The following SLC25A26 variants were observed in gnomAD, a reference collection of about 807,000 sequenced individuals.
SLC25A26 encodes mitochondrial S-adenosylmethionine carrier protein.
A neutral mutation model predicts 37.8 loss-of-function variants in SLC25A26; 36 were observed. The observed-to-expected ratio is 0.95, with a 90% CI of 0.73 to 1.26. The LOEUF (loss-of-function observed/expected upper bound fraction) is 1.26. Ranked by LOEUF, SLC25A26 falls within the 50% of genes most tolerant of loss-of-function variation. The pLI is 0.00. For synonymous variants in SLC25A26, 129 were observed against 122.5 expected (o/e 1.05, Z -0.35); for missense variants, 390 against 331.1 (o/e 1.18, Z -1.38).
intron 1 of SLC25A26, among the ~76,000 whole-genome samples, chr3:66,186,303 C>A (rs1208023377): frequency 3.9e-5 from 6 of 152,164 alleles, no homozygotes; most frequent in African/African-American, 1.4e-4. Context: ...CTCACTCTGA[C>A]CCTGACCCTA....
intron 1 of SLC25A26, among the ~76,000 whole-genome samples, chr3:66,229,194 A>G (rs2071894654): frequency 6.6e-6 from 1 of 152,204 alleles, no homozygotes; most frequent in Admixed American, 6.5e-5. Flanking sequence ...CATTTTGCTA[A>G]CCATATAACA....
At chr3:66,351,294 A>T (rs1008202865) in intron 6 of SLC25A26, among the ~76,000 whole-genome samples, 101 of 152,324 alleles carry the variant, frequency 6.6e-4, no homozygotes, top group African/African-American at 2.3e-3. Flanking sequence ...TATTATACAT[A>T]TGCTTACAAA....
In SLC25A26 at chr3:66,183,322, C is replaced by G. The variant is rs138441009; in HGVS notation, c.-353-37420C>G. Among the ~76,000 whole-genome samples the G allele has an allele frequency of 7.0e-3, 1,070 of 152,188 alleles. 21 individuals are homozygous for G. Among genetic ancestry groups the G allele is most frequent in the African/African-American group, 0.025 (1,025 of 41,504 alleles). On this transcript the variant is annotated intron_variant, in intron 1 of 10. Coordinates refer to the SLC25A26 transcript ENST00000676754. The stretch of plus-strand genomic sequence containing the variant: ...CTACCATGACTCTCAGCTATGCTCA[C>G]CCAGACTCTGACCCTGACATGGACT...
intron 5 of SLC25A26, among the ~76,000 whole-genome samples, chr3:66,301,359 A>G (rs2075070696): frequency 6.6e-6 from 1 of 152,240 alleles, no homozygotes; most frequent in African/African-American, 2.4e-5. Flanking sequence ...CACAGTGTGT[A>G]GGACAAGTTC....
chr3:66,298,102 A>C (rs2074963760), intron 5 of SLC25A26, among the ~76,000 whole-genome samples: 1 of 152,192 alleles, frequency 6.6e-6, no homozygotes, highest in Admixed American at 6.5e-5. Flanking sequence ...CTGAATCAGA[A>C]ACTTGGGGTG....
At chr3:66,310,200 A>G (rs1016184745) in intron 5 of SLC25A26, among the ~76,000 whole-genome samples, 17 of 152,310 alleles carry the variant, frequency 1.1e-4, no homozygotes, top group Middle Eastern at 6.8e-3. Flanking sequence ...GGGTGCATAT[A>G]TATTTAGGAT....
chr3:66,142,793 TGC>T (rs2070055061), intron 1 of SLC25A26, among the ~76,000 whole-genome samples: 2 of 152,194 alleles, frequency 1.3e-5, no homozygotes, highest in Non-Finnish European at 2.9e-5. Context: ...AGACAGGGTC[TGC>T]CTCTGTCACC....
chr3:66,343,379 A>G (rs2076251863), intron 5 of SLC25A26, among the ~76,000 whole-genome samples: 1 of 152,260 alleles, frequency 6.6e-6, no homozygotes, highest in African/African-American at 2.4e-5. Flanking sequence ...AAATTTAATT[A>G]TTTAGGCATT....
intron 5 of SLC25A26, among the ~76,000 whole-genome samples, chr3:66,280,075 T>C (rs1231152547): frequency 6.6e-6 from 1 of 152,234 alleles, no homozygotes; most frequent in Admixed American, 6.5e-5. Context: ...GTTCACACAA[T>C]GGTTTTCCAA....
intron 5 of SLC25A26, among the ~76,000 whole-genome samples, chr3:66,271,460 C>G (rs944289936): frequency 2.6e-5 from 4 of 152,144 alleles, no homozygotes; most frequent in African/African-American, 9.6e-5. Flanking sequence ...AGTTCTATTC[C>G]AGAACTATGA....
chr3:66,142,460 T>A (rs891547595), intron 1 of SLC25A26, among the ~76,000 whole-genome samples: 9 of 152,144 alleles, frequency 5.9e-5, no homozygotes, highest in African/African-American at 2.2e-4. Context: ...TTTTTTTTTA[T>A]CTTCTCCTGA....
intron 3 of SLC25A26, among the ~76,000 whole-genome samples, chr3:66,261,006 G>A (rs959833897): frequency 1.2e-4 from 18 of 152,168 alleles, no homozygotes; most frequent in African/African-American, 3.6e-4. Context: ...AGGAGAATAC[G>A]GATCATAAAG....
chr3:66,182,252 G>C (rs1343920826), intron 1 of SLC25A26, among the ~76,000 whole-genome samples: 2 of 152,148 alleles, frequency 1.3e-5, no homozygotes, highest in South Asian at 2.1e-4. Context: ...TAGGGAGTGA[G>C]TGGTAGGGCG....
At chr3:66,161,402 A>T (rs1459571145) in intron 1 of SLC25A26, among the ~76,000 whole-genome samples, 1 of 152,178 alleles carries the variant, frequency 6.6e-6, no homozygotes, top group Non-Finnish European at 1.5e-5. Flanking sequence ...CCCTCTCACC[A>T]ATCTTGACCC....
Position 66,213,649 on chromosome 3 carries a change from A to G in SLC25A26, c.-353-7093A>G, listed in dbSNP as rs889638580. Among the ~76,000 whole-genome samples the G allele has an allele frequency of 7.9e-5, 12 of 152,234 alleles. No homozygotes were observed. In the East Asian group the frequency reaches 2.3e-3, roughly 29 times the overall value. On this transcript the variant is annotated intron_variant, in intron 1 of 10. Transcript: ENST00000676754. The stretch of plus-strand genomic sequence containing the variant: ...TGAAACATCATTACCCCAAATCCAC[A>G]GTTTACATTAGGTTAATCACTCTTG...
rs1576695443 is a variant in SLC25A26, at chr3:66,243,224, A to G, written c.212A>G (p.Tyr71Cys). The G allele has an allele frequency of 1.9e-6, 3 of 1,604,794 alleles. No homozygotes were observed. The highest frequency in any genetic ancestry group is 2.2e-5 in the East Asian group (1 of 44,662). Residue 71 changes from tyrosine (Y) to cysteine (C), a missense_variant, in exon 3 of 10, where the codon TAT (tyrosine) becomes TGT (cysteine). Tyr to Cys is a radical substitution (Grantham distance 194, BLOSUM62 -2). Transcript: ENST00000354883. ...TCAGCTGCTGCATTTTTTATCACCT[A>G]TGAATATGTGAAGTGGTTTTTGCAT... ...FPNAAAFFIT[Y>C]EYVKWFLHAD...
chr3:66,231,378 A>T (rs2072021796), intron 1 of SLC25A26, among the ~76,000 whole-genome samples: 1 of 151,894 alleles, frequency 6.6e-6, no homozygotes, highest in Admixed American at 6.6e-5. Flanking sequence ...TTTTTTCCCC[A>T]GGGGAAGCAT....
At position 66,189,423 on chromosome 3, in the gene SLC25A26, G is replaced by A. The variant is rs1004151699; in HGVS notation, c.-353-31319G>A. Among the ~76,000 whole-genome samples the A allele has an allele frequency of 1.1e-4, 16 of 151,652 alleles. No homozygotes were observed. In the South Asian group the frequency reaches 2.7e-3, roughly 26 times the overall value. Reference sequence around the variant, plus strand: ...ATATCCTAAAGCTCACCATCATCATGACATTTACGCTTAACCTCTCCCTGT... The same window carrying A: ...ATATCCTAAAGCTCACCATCATCATAACATTTACGCTTAACCTCTCCCTGT... On this transcript the variant is annotated intron_variant, in intron 1 of 10. Transcript: ENST00000676754.
At position 66,377,874 on chromosome 3, in the gene SLC25A26, G is replaced by A. The variant is rs1700769442; in HGVS notation, c.*67G>A. 8 of 1,218,342 alleles carry A rather than the reference G, an allele frequency of 6.6e-6. No homozygotes were observed. In the South Asian group the frequency reaches 8.5e-5, roughly 13 times the overall value. The allele number at this position is 1,218,342 out of a possible 1,614,324, so 75.5% of individuals were successfully genotyped here. On this transcript the variant is annotated 3_prime_UTR_variant, in exon 10 of 10. Coordinates refer to ENST00000354883, the MANE Select transcript of SLC25A26 (RefSeq NM_001379210.1). The stretch of plus-strand genomic sequence containing the variant: ...CCTGCAGTGCAAACCCTCTTCCGCT[G>A]AGCAGCTGTCTGAACTATAGGCCCC...
Sources: gnomAD v4.1 joint callset for allele counts (sites outside exome capture counted in the v4.1 genomes callset) on GRCh38, gnomAD v4.1.1 for gene constraint, MANE v1.5 for transcripts, NCBI Gene and HGNC (gene_info 2026-07-23, HGNC 2026-07-21) for gene names.